The following HECW1 variants were observed in gnomAD, a reference collection of about 807,000 sequenced individuals.
HECW1 encodes the protein E3 ubiquitin-protein ligase HECW1.
In HECW1, 61 loss-of-function variants were observed where a neutral mutation model predicts 182.3. The ratio of observed to expected loss-of-function variants is 0.33; its 90% CI spans 0.27 to 0.41. The LOEUF is 0.41. HECW1 is among the 10% of genes least tolerant of loss of function. The probability of loss-of-function intolerance (pLI) is 1.00; values close to 1 mark genes in which losing one functional copy is unlikely to be tolerated. For missense variants in HECW1, 1,739 were observed against 2,108.9 expected, an observed-to-expected ratio of 0.82 and a Z score of 3.44; for synonymous variants, 859 against 832.6, an observed-to-expected ratio of 1.03 and a Z score of -0.55.
intron 2 of HECW1, among the ~76,000 whole-genome samples, chr7:43,172,123 C>CAAA (rs537618606): frequency 1.3e-5 from 1 of 75,132 alleles, no homozygotes; most frequent in Non-Finnish European, 3.0e-5. Flanking sequence ...ACTAAAAATA[C>CAAA]AAAAAAAAAA....
At chr7:43,147,401 T>C (rs987829783) in intron 2 of HECW1, 1 of 152,218 alleles carries the variant, frequency 6.6e-6, no homozygotes, top group Non-Finnish European at 1.5e-5. Flanking sequence ...TCAGTGCCCA[T>C]TCCTTTGCAA....
intron 19 of HECW1, among the ~76,000 whole-genome samples, chr7:43,494,909 C>T (rs2079059263): frequency 6.6e-6 from 1 of 152,142 alleles, no homozygotes; most frequent in Non-Finnish European, 1.5e-5. Context: ...CCAGGGTATT[C>T]CACCTCCACC....
chr7:43,184,652 A>C (rs113276517), intron 2 of HECW1, among the ~76,000 whole-genome samples: 1 of 152,186 alleles, frequency 6.6e-6, no homozygotes, highest in Non-Finnish European at 1.5e-5. Context: ...CTAAAGGTTG[A>C]GTTGATCACC....
intron 2 of HECW1, among the ~76,000 whole-genome samples, chr7:43,233,693 G>T (rs1798070992): frequency 6.6e-6 from 1 of 152,184 alleles, no homozygotes; most frequent in Non-Finnish European, 1.5e-5. Context: ...ACTGGACTCT[G>T]AAGATCAGCC....
rs546649258 is a variant in HECW1, at chr7:43,507,081, AAAG to A, written c.3632-38_3632-36del. ...CGAGACTCCTTCTCAAAAAAGAAAAAAAGAAGAAGAAGAAGAAGAAAGAAAGTG... is the reference window on the plus strand; with the variant it reads ...CGAGACTCCTTCTCAAAAAAGAAAAAAAGAAGAAGAAGAAGAAAGAAAGTG... On this transcript the variant is annotated intron_variant, in intron 21 of 29. Coordinates refer to ENST00000395891, the MANE Select transcript of HECW1 (RefSeq NM_015052.5). 356 of 1,572,528 alleles carry A rather than the reference AAAG, an allele frequency of 2.3e-4. 2 individuals are homozygous for A. Among genetic ancestry groups the A allele is most frequent in the African/African-American group, 5.5e-4 (40 of 72,698 alleles).
At chr7:43,123,532 T>G (rs1785857528) in intron 2 of HECW1, among the ~76,000 whole-genome samples, 2 of 152,200 alleles carry the variant, frequency 1.3e-5, no homozygotes, top group Non-Finnish European at 2.9e-5. Flanking sequence ...GTCTAAATAT[T>G]GCATATGGAC....
At position 43,243,565 on chromosome 7, in the gene HECW1, A is replaced by G. The variant is rs1295706643; in HGVS notation, c.-31-310A>G. The stretch of plus-strand genomic sequence containing the variant: ...AGAGCAGAACTTCTCTTTCCCCACA[A>G]ACACCCACACCAGATCCTTGTTTCT... On this transcript the variant is annotated intron_variant, in intron 2 of 29. Coordinates refer to ENST00000395891, the MANE Select transcript of HECW1 (RefSeq NM_015052.5). The surrounding 1 kb of genome is among the most constrained non-coding windows in gnomAD (Gnocchi z 4.0). Among the ~76,000 whole-genome samples the G allele has an allele frequency of 6.6e-6, 1 of 151,760 alleles. No individual in the cohort carries two copies.
At chr7:43,558,356 G>A (rs903952494) in intron 29 of HECW1, among the ~76,000 whole-genome samples, 1 of 152,196 alleles carries the variant, frequency 6.6e-6, no homozygotes, top group Non-Finnish European at 1.5e-5. Flanking sequence ...AGTTGCAAAC[G>A]AAATTCTAAT....
chr7:43,424,633 A>T (rs558611911), intron 8 of HECW1, among the ~76,000 whole-genome samples: 6 of 152,212 alleles, frequency 3.9e-5, no homozygotes, highest in Non-Finnish European at 5.9e-5. Flanking sequence ...AAAAATAAAT[A>T]AAAAAATAAA....
chr7:43,474,466 A>G (rs1253908113), intron 16 of HECW1, among the ~76,000 whole-genome samples: 1 of 152,110 alleles, frequency 6.6e-6, no homozygotes, highest in African/African-American at 2.4e-5. Context: ...AAATAAATAA[A>G]TAAATAAAAA....
At chr7:43,218,224 G>A (rs1034283766) in intron 2 of HECW1, among the ~76,000 whole-genome samples, 10 of 152,278 alleles carry the variant, frequency 6.6e-5, no homozygotes, top group East Asian at 1.9e-4. Context: ...TTTAGATCAC[G>A]GATTGAATTG....
chr7:43,252,234 A>G (rs1357534313), intron 3 of HECW1, among the ~76,000 whole-genome samples: 1 of 152,160 alleles, frequency 6.6e-6, no homozygotes, highest in Non-Finnish European at 1.5e-5. Context: ...TGGGTCTTTC[A>G]GTAGCTCACC....
chr7:43,305,154 C>T lies in HECW1; in HGVS notation c.28-6609C>T, dbSNP rs982288555. 3.3e-5 allele frequency among the ~76,000 whole-genome samples: 5 copies of T among 152,282 alleles called. No homozygotes were observed. In the South Asian group the frequency reaches 6.2e-4, roughly 19 times the overall value. On this transcript the variant is annotated intron_variant, in intron 3 of 29. Coordinates refer to ENST00000395891, the MANE Select transcript of HECW1 (RefSeq NM_015052.5). ...CAGTCCCTAATGAACTCTCTTCCTG[C>T]GATGACCTTGGCTTTTGTCAAAGCC...
At chr7:43,263,190 G>A (rs1413125934) in intron 3 of HECW1, among the ~76,000 whole-genome samples, 1 of 152,202 alleles carries the variant, frequency 6.6e-6, no homozygotes, top group Non-Finnish European at 1.5e-5. Context: ...TTTTATTGAA[G>A]CATCTAAAAG....
chr7:43,450,306 C>T (rs1272671237), intron 11 of HECW1, among the ~76,000 whole-genome samples: 1 of 152,188 alleles, frequency 6.6e-6, no homozygotes, highest in African/African-American at 2.4e-5. Context: ...TCGCCAGCTC[C>T]TTGACCTGTC....
intron 5 of HECW1, among the ~76,000 whole-genome samples, chr7:43,333,534 C>T (rs1811758060): frequency 6.6e-6 from 1 of 152,142 alleles, no homozygotes; most frequent in East Asian, 1.9e-4. Context: ...AATTTCAACA[C>T]CTAGATAACA....
intron 16 of HECW1, among the ~76,000 whole-genome samples, chr7:43,476,856 C>T (rs1172394543): frequency 1.3e-5 from 2 of 152,084 alleles, no homozygotes; most frequent in Non-Finnish European, 2.9e-5. Context: ...AAACACTTAA[C>T]TGACCCCTGG....
At chr7:43,250,941 A>G (rs10281626) in intron 3 of HECW1, among the ~76,000 whole-genome samples, 76,592 of 151,952 alleles carry the variant, frequency 0.5, 22,622 homozygotes, top group African/African-American at 0.83. Context: ...GATCCTCACA[A>G]CTCCTACTTA....
intron 2 of HECW1, among the ~76,000 whole-genome samples, chr7:43,213,756 T>A (rs1046511691): frequency 1.3e-5 from 2 of 152,274 alleles, no homozygotes; most frequent in Admixed American, 1.3e-4. Flanking sequence ...ATAATTTTTT[T>A]AAAAATTAAA....
Sources: allele counts gnomAD v4.1 joint callset (sites outside exome capture counted in the v4.1 genomes callset), GRCh38; gene constraint gnomAD v4.1.1; non-coding constraint Gnocchi (gnomAD v3.1); transcripts MANE v1.5; gene names NCBI Gene and HGNC (gene_info 2026-07-23, HGNC 2026-07-21).